Variants in CEP41 observed in about 807,000 individuals in gnomAD.
CEP41 encodes centrosomal protein 41, also known as centrosomal protein of 41 kDa.
Under a neutral mutation model 44.3 loss-of-function variants are expected in CEP41, and 32 were observed. The ratio of observed to expected loss-of-function variants is 0.72; its 90% CI spans 0.54 to 0.97. The LOEUF (loss-of-function observed/expected upper bound fraction) is 0.97. Ranked by LOEUF, CEP41 falls within the 50% of genes least tolerant of loss-of-function variation. The pLI is 0.00. For missense variants in CEP41, 432 were observed against 455.2 expected (o/e 0.95, Z 0.46); for synonymous variants, 151 against 168.5 (o/e 0.90, Z 0.80).
At chr7:130,419,150 G>A (rs886191267) in intron 2 of CEP41, 5 of 985,282 alleles carry the variant, frequency 5.1e-6, no homozygotes, top group Non-Finnish European at 6.0e-6. Context: ...CCCCCTAAAG[G>A]AGAAGGCTGA....
At chr7:130,410,974 G>A (rs1262853893) in intron 5 of CEP41, 148 bp downstream of exon 5, 1 of 779,512 alleles carries the variant, frequency 1.3e-6, no homozygotes, top group Admixed American at 1.9e-5. Flanking sequence ...TAAAGTATCA[G>A]GTAGCATTTC....
At position 130,439,693 on chromosome 7, in the gene CEP41, A is replaced by G. The variant is rs1362902941; in HGVS notation, c.33+1241T>C. Among the ~76,000 whole-genome samples the G allele has an allele frequency of 2.0e-5, 3 of 152,030 alleles. 1 individual carries two copies. Among genetic ancestry groups the G allele is most frequent in the South Asian group, 4.2e-4 (2 of 4,818 alleles). Reference sequence around the variant, plus strand: ...TTAGACTCAGCCTTACAGCTTTCTCAGCCTAGTACCAGGCAGCCACCAAGA... The same window carrying G: ...TTAGACTCAGCCTTACAGCTTTCTCGGCCTAGTACCAGGCAGCCACCAAGA... On this transcript the variant is annotated intron_variant, in intron 1 of 10. Transcript: ENST00000223208.
Position 130,398,787 on chromosome 7 carries a change from TG to T in CEP41, c.*103del. 1 of 1,347,462 alleles carries T rather than the reference TG, an allele frequency of 7.4e-7. No individual in the cohort carries two copies. The highest frequency in any genetic ancestry group is 1.1e-6 in the Non-Finnish European group (1 of 943,666). 83.5% of individuals were successfully genotyped at this position (1,347,462 alleles called of 1,614,324 possible). On this transcript the variant is annotated 3_prime_UTR_variant, in exon 11 of 11. Transcript: ENST00000223208. ...AGAGGCCTATCCCATACATATGTCA[TG>T]GTCTTTCCTCTGCAGAAGTTTCTGG...
chr7:130,440,894 C>T, intron 1 of CEP41, 40 bp downstream of exon 1: 5 of 1,607,068 alleles, frequency 3.1e-6, no homozygotes, highest in Non-Finnish European at 4.2e-6. Context: ...TTCCGGTGCG[C>T]CCGCCCCCTC....
At chr7:130,432,379 G>T (rs982009245) in intron 1 of CEP41, among the ~76,000 whole-genome samples, 1 of 152,034 alleles carries the variant, frequency 6.6e-6, no homozygotes, top group African/African-American at 2.4e-5. Flanking sequence ...CCAAAAAAGG[G>T]AGTTGAGGAA....
chr7:130,439,098 CA>C (rs1798062540), intron 1 of CEP41, among the ~76,000 whole-genome samples: 1 of 152,194 alleles, frequency 6.6e-6, no homozygotes, highest in Admixed American at 6.5e-5. Flanking sequence ...CCTAAGGCAG[CA>C]AGACCAACCC....
chr7:130,400,620 C>G, intron 9 of CEP41, 87 bp downstream of exon 9: 1 of 872,394 alleles, frequency 1.1e-6, no homozygotes, highest in Non-Finnish European at 1.9e-6. Context: ...ACACTGAATT[C>G]TGAGCACCAA....
At position 130,399,004 on chromosome 7, in the gene CEP41, A is replaced by G. The variant is rs147444165; in HGVS notation, c.1009T>C (p.Ser337Pro). The G allele has an allele frequency of 4.3e-4, 687 of 1,614,066 alleles. 3 individuals are homozygous for G. In the African/African-American group the frequency reaches 7.3e-3, roughly 17 times the overall value. The change falls in exon 11 of 11, where the codon TCC becomes CCC. Residue 337 changes from serine to proline, a missense_variant. Coordinates refer to ENST00000223208, the MANE Select transcript of CEP41 (RefSeq NM_018718.3). ...LNQANSSGRESKVPGARSAQN... is the reference protein window; with the variant it reads ...LNQANSSGREPKVPGARSAQN... Reference sequence around the variant, plus strand: ...GCGCTTCGGGCACCAGGCACCTTGGACTCTCTTCCGGAGGAGTTAGCTTGG... The same window carrying G: ...GCGCTTCGGGCACCAGGCACCTTGGGCTCTCTTCCGGAGGAGTTAGCTTGG...
intron 6 of CEP41, among the ~76,000 whole-genome samples, chr7:130,404,286 A>G (rs1241092472): frequency 6.6e-6 from 1 of 152,228 alleles, no homozygotes; most frequent in Non-Finnish European, 1.5e-5. Flanking sequence ...CTAATTCCTC[A>G]TAACAAACTT....
At chr7:130,410,763 C>T (rs1374616105) in intron 5 of CEP41, 1 of 343,040 alleles carries the variant, frequency 2.9e-6, no homozygotes, top group Non-Finnish European at 5.5e-6. Context: ...CACATGCACA[C>T]ATGTGACTGT....
chr7:130,431,771 G>A (rs1046209253), intron 1 of CEP41, among the ~76,000 whole-genome samples: 5 of 152,102 alleles, frequency 3.3e-5, no homozygotes, highest in African/African-American at 1.2e-4. Context: ...GGAGCATAGC[G>A]GGAAATACGG....
chr7:130,408,188 A>C (rs1797070542), intron 5 of CEP41, among the ~76,000 whole-genome samples: 1 of 152,166 alleles, frequency 6.6e-6, no homozygotes, highest in African/African-American at 2.4e-5. Flanking sequence ...CATATATTTT[A>C]CTTCTTCCCC....
At chr7:130,408,837 T>C (rs1457893721) in intron 5 of CEP41, among the ~76,000 whole-genome samples, 1 of 152,150 alleles carries the variant, frequency 6.6e-6, no homozygotes, top group Non-Finnish European at 1.5e-5. Flanking sequence ...AAGAGAATAA[T>C]TAAATTATGG....
chr7:130,399,199 A>T, intron 10 of CEP41, 160 bp from the exon 11 acceptor site: 1 of 759,762 alleles, frequency 1.3e-6, no homozygotes, highest in East Asian at 2.7e-5. Flanking sequence ...CCTACTCCTC[A>T]TCCTTGAGAT....
chr7:130,437,958 T>C (rs1289193950), intron 1 of CEP41, among the ~76,000 whole-genome samples: 1 of 152,156 alleles, frequency 6.6e-6, no homozygotes, highest in South Asian at 2.1e-4. Context: ...AAGAAACTAC[T>C]AGAAGTTGTG....
intron 1 of CEP41, among the ~76,000 whole-genome samples, chr7:130,436,340 A>G (rs1554426142): frequency 1.3e-5 from 2 of 152,144 alleles, no homozygotes; most frequent in Non-Finnish European, 2.9e-5. Context: ...CCATTTATGT[A>G]AAATTGTCAA....
chr7:130,402,225 A>T (rs1796866270), intron 7 of CEP41, among the ~76,000 whole-genome samples: 1 of 152,088 alleles, frequency 6.6e-6, no homozygotes, highest in East Asian at 1.9e-4. Flanking sequence ...ATATGCCTGT[A>T]GTCCCAGGTA....
rs1313650901 is a variant in CEP41, at chr7:130,395,922, A to G, written c.*2969T>C. The G allele has an allele frequency of 2.2e-6, 1 of 449,910 alleles. No individual in the cohort carries two copies. The highest frequency in any genetic ancestry group is 4.4e-6 in the Non-Finnish European group (1 of 225,980). The allele number at this position is 449,910 out of a possible 1,614,324, so 27.9% of individuals were successfully genotyped here. On this transcript the variant is annotated 3_prime_UTR_variant, in exon 11 of 11. Coordinates refer to ENST00000223208, the MANE Select transcript of CEP41 (RefSeq NM_018718.3). Reference sequence around the variant, plus strand: ...ATAAAAGATAAAATGAATGCAGGCCATTTAAATCATTCCATACTTTTTCAA... The same window carrying G: ...ATAAAAGATAAAATGAATGCAGGCCGTTTAAATCATTCCATACTTTTTCAA...
At chr7:130,424,099 T>C (rs1797589747) in intron 2 of CEP41, among the ~76,000 whole-genome samples, 1 of 152,068 alleles carries the variant, frequency 6.6e-6, no homozygotes, top group South Asian at 2.1e-4. Flanking sequence ...AAAATAACTG[T>C]ATAAAGAAAA....
Sources: allele counts gnomAD v4.1 joint callset (sites outside exome capture counted in the v4.1 genomes callset), GRCh38; gene constraint gnomAD v4.1.1; transcripts MANE v1.5; gene names NCBI Gene and HGNC (gene_info 2026-07-23, HGNC 2026-07-21).